Variants in PUM1 observed in about 807,000 individuals in gnomAD.
PUM1 encodes the protein pumilio RNA binding family member 1.
PUM1 carries 13 observed loss-of-function variants against 131.8 expected under a neutral mutation model. That is an observed-to-expected ratio of 0.10 (90% CI 0.06 to 0.16). The LOEUF (loss-of-function observed/expected upper bound fraction) is 0.16. Ranked by LOEUF, PUM1 falls within the 10% of genes least tolerant of loss-of-function variation. The probability of loss-of-function intolerance (pLI) is 1.00; values close to 1 mark genes in which losing one functional copy is unlikely to be tolerated. For missense variants in PUM1, 961 were observed against 1,512.4 expected, an observed-to-expected ratio of 0.64 and a Z score of 6.05; for synonymous variants, 509 against 556.5, an observed-to-expected ratio of 0.91 and a Z score of 1.20.
At chr1:30,938,121 T>G (rs1437264501) in intron 20 of PUM1, among the ~76,000 whole-genome samples, 1 of 152,168 alleles carries the variant, frequency 6.6e-6, no homozygotes, top group East Asian at 1.9e-4. Flanking sequence ...CCCAGGCTAG[T>G]CTTGAACTCT....
intron 5 of PUM1, among the ~76,000 whole-genome samples, 170 bp downstream of exon 5, chr1:31,005,683 A>G (rs1269308540): frequency 1.3e-5 from 2 of 152,160 alleles, no homozygotes; most frequent in Admixed American, 6.5e-5. Flanking sequence ...ATCTCCTACT[A>G]TGTTTGCTGA....
chr1:31,034,641 A>G (rs1183051353), intron 2 of PUM1, among the ~76,000 whole-genome samples: 1 of 152,172 alleles, frequency 6.6e-6, no homozygotes, highest in Non-Finnish European at 1.5e-5. Context: ...CCACATATAT[A>G]TTTCTTGCTC....
intron 14 of PUM1, among the ~76,000 whole-genome samples, chr1:30,954,683 T>A (rs1439438138): frequency 6.6e-6 from 1 of 152,216 alleles, no homozygotes; most frequent in African/African-American, 2.4e-5. Flanking sequence ...ACAACCTTCA[T>A]GCCACTGATA....
At chr1:30,983,936 T>G (rs1252350146) in intron 7 of PUM1, among the ~76,000 whole-genome samples, 1 of 152,170 alleles carries the variant, frequency 6.6e-6, no homozygotes, top group Non-Finnish European at 1.5e-5. Flanking sequence ...GTAAGTCATT[T>G]TATGTATGTG....
At chr1:30,941,398 T>C (rs1639434151) in intron 19 of PUM1, 126 bp from the exon 20 acceptor site, 1 of 943,556 alleles carries the variant, frequency 1.1e-6, no homozygotes, top group African/African-American at 1.7e-5. Context: ...TGAATACTAA[T>C]GAACACACAA....
intron 3 of PUM1, among the ~76,000 whole-genome samples, chr1:31,027,016 T>A (rs1216745385): frequency 1.3e-5 from 2 of 151,888 alleles, no homozygotes; most frequent in African/African-American, 4.8e-5. Flanking sequence ...ACTGTCAACT[T>A]GTCATTTAAA....
chr1:30,959,449 A>G (rs1640313596), intron 14 of PUM1, among the ~76,000 whole-genome samples: 1 of 152,224 alleles, frequency 6.6e-6, no homozygotes, highest in Non-Finnish European at 1.5e-5. Context: ...TCTGAAAATC[A>G]ATTAATGTAA....
intron 20 of PUM1, among the ~76,000 whole-genome samples, chr1:30,940,280 CCCCTGGCCAATATGGTGAAA>C (rs990594272): frequency 6.6e-6 from 1 of 152,050 alleles, no homozygotes; most frequent in Non-Finnish European, 1.5e-5. Context: ...TCAAGACCAG[CCCCTGGCCAATATGGTGAAA>C]CCCTGTCTCT....
chr1:31,000,861 T>C (rs1452403711), intron 5 of PUM1, among the ~76,000 whole-genome samples: 1 of 152,218 alleles, frequency 6.6e-6, no homozygotes, highest in Non-Finnish European at 1.5e-5. Context: ...AATGTCGAGC[T>C]CTACTGGTAA....
intron 2 of PUM1, among the ~76,000 whole-genome samples, chr1:31,044,128 G>A (rs534184672): frequency 3.4e-4 from 51 of 152,110 alleles, no homozygotes; most frequent in Non-Finnish European, 6.8e-4. Context: ...AAGGCCGGGC[G>A]CAGTGGCTCA....
At chr1:30,947,519 G>A (rs1639729950) in intron 17 of PUM1, among the ~76,000 whole-genome samples, 1 of 152,204 alleles carries the variant, frequency 6.6e-6, no homozygotes, top group East Asian at 1.9e-4. Context: ...TAGAAAGAGA[G>A]ACACTGGGAT....
At chr1:31,043,151 G>A (rs1643873191) in intron 2 of PUM1, among the ~76,000 whole-genome samples, 1 of 151,970 alleles carries the variant, frequency 6.6e-6, no homozygotes, top group African/African-American at 2.4e-5. Context: ...CCCTAATTTG[G>A]GACAACTGGG....
chr1:30,968,436 T>C lies in PUM1; in HGVS notation c.1563A>G (p.Gly521=), dbSNP rs769894521. 15 of 1,599,428 alleles carry C rather than the reference T, an allele frequency of 9.4e-6. No individual in the cohort carries two copies. The highest frequency in any genetic ancestry group is 1.3e-5 in the Non-Finnish European group (15 of 1,175,718). Residue 521 remains glycine (G), a synonymous_variant, in exon 11 of 22, where the codon GGA becomes GGG. Coordinates refer to ENST00000426105, the MANE Select transcript of PUM1 (RefSeq NM_001020658.2). ...RPLTPNQNQQ[G]QQTDPLVAAA... ...CTGCCACAAGGGGATCCGTTTGCTG[T>C]CCCTGCTGGTTCTGGTTTGGGGTCA...
intron 12 of PUM1, 144 bp downstream of exon 12, chr1:30,967,023 G>T: frequency 6.9e-5 from 53 of 772,342 alleles, no homozygotes; most frequent in Non-Finnish European, 7.3e-5. Flanking sequence ...GTCACTTATT[G>T]CTTCTGATCT....
At chr1:31,046,929 C>T (rs757915128) in intron 2 of PUM1, among the ~76,000 whole-genome samples, 27 of 152,270 alleles carry the variant, frequency 1.8e-4, no homozygotes, top group Middle Eastern at 6.8e-3. Flanking sequence ...CAGTGGCTCA[C>T]GCCTGTAATC....
chr1:31,021,507 C>T (rs1371724627), intron 3 of PUM1, among the ~76,000 whole-genome samples: 4 of 152,162 alleles, frequency 2.6e-5, no homozygotes, highest in Non-Finnish European at 5.9e-5. Flanking sequence ...TTACAAAGCA[C>T]ATTATTAGCT....
Position 30,977,342 on chromosome 1 carries a change from AGCCG to A in PUM1, c.1355-2544_1355-2541del, listed in dbSNP as rs1212038335. ...AACCTGTAATACATGTTGGGAGTACAGCCGTATCTACCTTGAATGAGTGGTTGCA... is the reference window on the plus strand; with the variant it reads ...AACCTGTAATACATGTTGGGAGTACATATCTACCTTGAATGAGTGGTTGCA... On this transcript the variant is annotated intron_variant, in intron 9 of 21. Coordinates refer to ENST00000426105, the MANE Select transcript of PUM1 (RefSeq NM_001020658.2). Among the ~76,000 whole-genome samples the A allele has an allele frequency of 3.3e-5, 5 of 152,222 alleles. No homozygotes were observed. The East Asian group carries it at 9.6e-4, about 29-fold the overall frequency.
chr1:30,949,807 G>A (rs1289420522), intron 17 of PUM1, among the ~76,000 whole-genome samples: 1 of 152,110 alleles, frequency 6.6e-6, no homozygotes, highest in Non-Finnish European at 1.5e-5. Flanking sequence ...AGTTTGACTT[G>A]TTGGAGAAAA....
chr1:30,983,226 T>C (rs1641421717), intron 7 of PUM1, among the ~76,000 whole-genome samples: 1 of 152,190 alleles, frequency 6.6e-6, no homozygotes, highest in Admixed American at 6.5e-5. Flanking sequence ...CAGCCAGGAG[T>C]GGGAAATAAG....
Sources: gnomAD v4.1 joint callset for allele counts (sites outside exome capture counted in the v4.1 genomes callset) on GRCh38, gnomAD v4.1.1 for gene constraint, MANE v1.5 for transcripts, NCBI Gene and HGNC (gene_info 2026-07-23, HGNC 2026-07-21) for gene names.